HS3ST5: variants seen among roughly 807,000 people sequenced by gnomAD.
HS3ST5 encodes the protein heparan sulfate-glucosamine 3-sulfotransferase 5, also known as heparan sulfate glucosamine 3-O-sulfotransferase 5.
Under a neutral mutation model 25.4 loss-of-function variants are expected in HS3ST5, and 10 were observed. That is an observed-to-expected ratio of 0.39 (90% CI 0.24 to 0.67). The LOEUF is 0.67. Among genes scored for constraint, HS3ST5 ranks in the 30% least tolerant of loss-of-function variants. The pLI, the probability that HS3ST5 is intolerant of heterozygous loss-of-function variation, is 0.44. For synonymous variants in HS3ST5, 170 were observed against 162.4 expected (o/e 1.05, Z -0.36); for missense variants, 324 against 420.7 (o/e 0.77, Z 2.01).
chr6:114,274,329 C>T (rs976950449), intron 1 of HS3ST5, among the ~76,000 whole-genome samples: 22 of 152,002 alleles, frequency 1.4e-4, no homozygotes, highest in African/African-American at 5.1e-4. Flanking sequence ...AGGAAATATA[C>T]CATGGCTTCT....
intron 1 of HS3ST5, among the ~76,000 whole-genome samples, chr6:114,308,451 G>A (rs1582805275): frequency 6.6e-6 from 1 of 152,198 alleles, no homozygotes; most frequent in East Asian, 1.9e-4. Flanking sequence ...GCCGGGCGTG[G>A]TGGCAGGCGC....
At chr6:114,082,729 T>C (rs1774530229) in intron 3 of HS3ST5, among the ~76,000 whole-genome samples, 1 of 152,238 alleles carries the variant, frequency 6.6e-6, no homozygotes, top group African/African-American at 2.4e-5. Flanking sequence ...ACTTTTAAAC[T>C]TAACTTCCTC....
intron 1 of HS3ST5, among the ~76,000 whole-genome samples, chr6:114,250,086 C>T (rs1048344442): frequency 6.6e-6 from 1 of 152,064 alleles, no homozygotes; most frequent in Non-Finnish European, 1.5e-5. Flanking sequence ...TTTTAGGGGA[C>T]AGTCTGAATT....
At chr6:114,196,418 G>T (rs989957341) in intron 2 of HS3ST5, among the ~76,000 whole-genome samples, 2 of 152,076 alleles carry the variant, frequency 1.3e-5, no homozygotes, top group East Asian at 3.8e-4. Flanking sequence ...CCGTCCTTCC[G>T]CTGAGTGGGG....
At chr6:114,230,074 T>G (rs1318037497) in intron 1 of HS3ST5, 2 of 151,382 alleles carry the variant, frequency 1.3e-5, no homozygotes, top group African/African-American at 4.9e-5. Flanking sequence ...GAAGGTTTCA[T>G]GATGCAGAGT....
chr6:114,086,994 C>T (rs1287171640), intron 3 of HS3ST5, among the ~76,000 whole-genome samples: 1 of 152,186 alleles, frequency 6.6e-6, no homozygotes, highest in African/African-American at 2.4e-5. Flanking sequence ...CTTCACATAA[C>T]TCTCACAGAA....
chr6:114,091,746 C>G (rs1287298543), intron 3 of HS3ST5, among the ~76,000 whole-genome samples: 2 of 152,034 alleles, frequency 1.3e-5, no homozygotes, highest in Admixed American at 1.3e-4. Flanking sequence ...CATGTTTTGG[C>G]CTTTCCCAAC....
intron 2 of HS3ST5, among the ~76,000 whole-genome samples, chr6:114,221,943 C>T (rs1782060655): frequency 6.6e-6 from 1 of 151,792 alleles, no homozygotes; most frequent in Non-Finnish European, 1.5e-5. Context: ...TTTTGGAAAT[C>T]CCACAGTATT....
At chr6:114,144,887 C>G (rs868545496) in intron 3 of HS3ST5, among the ~76,000 whole-genome samples, 1 of 152,178 alleles carries the variant, frequency 6.6e-6, no homozygotes, top group African/African-American at 2.4e-5. Context: ...ATTCAGTAAA[C>G]GTTTATGTCT....
chr6:114,254,410 G>A (rs761079684), intron 1 of HS3ST5, among the ~76,000 whole-genome samples: 1 of 152,202 alleles, frequency 6.6e-6, no homozygotes, highest in Non-Finnish European at 1.5e-5. Flanking sequence ...GGGGTGCTAG[G>A]CTGAGGCTAT....
intron 3 of HS3ST5, among the ~76,000 whole-genome samples, chr6:114,087,064 G>A (rs776812584): frequency 9.2e-5 from 14 of 152,130 alleles, no homozygotes; most frequent in Non-Finnish European, 1.8e-4. Context: ...TCACCTGTGG[G>A]CTCTGGAAGT....
At chr6:114,187,878 A>G (rs1780301071) in intron 2 of HS3ST5, among the ~76,000 whole-genome samples, 2 of 152,188 alleles carry the variant, frequency 1.3e-5, no homozygotes. Context: ...CCAGTCAGCC[A>G]TCATCAACCT....
intron 1 of HS3ST5, among the ~76,000 whole-genome samples, chr6:114,266,926 ATAC>A (rs1211711731): frequency 6.6e-6 from 1 of 152,182 alleles, no homozygotes; most frequent in East Asian, 1.9e-4. Context: ...TGCCCTCAAG[ATAC>A]ACTTTTTGGT....
intron 1 of HS3ST5, among the ~76,000 whole-genome samples, chr6:114,252,689 T>G (rs993208450): frequency 9.2e-5 from 14 of 152,170 alleles, no homozygotes; most frequent in African/African-American, 3.4e-4. Flanking sequence ...TTAAGGCTGA[T>G]CCTATCTGAG....
At chr6:114,338,723 TA>T (rs1273136105) in intron 1 of HS3ST5, among the ~76,000 whole-genome samples, 4 of 152,080 alleles carry the variant, frequency 2.6e-5, no homozygotes, top group Admixed American at 1.3e-4. Flanking sequence ...AAGATAACAT[TA>T]AAACTCAGAA....
chr6:114,292,607 G>A (rs1774629982), intron 1 of HS3ST5, among the ~76,000 whole-genome samples: 1 of 152,156 alleles, frequency 6.6e-6, no homozygotes, highest in Non-Finnish European at 1.5e-5. Context: ...ATACATTCAA[G>A]TGCCAGAGTC....
At chr6:114,063,515 A>AC (rs11398876) in intron 3 of HS3ST5, among the ~76,000 whole-genome samples, 10 of 84,890 alleles carry the variant, frequency 1.2e-4, no homozygotes, top group African/African-American at 4.9e-4. Flanking sequence ...CCTGTCTCAG[A>AC]AAAAAAAAAA....
intron 3 of HS3ST5, among the ~76,000 whole-genome samples, chr6:114,116,832 C>A (rs892009054): frequency 1.3e-5 from 2 of 152,106 alleles, no homozygotes; most frequent in East Asian, 3.8e-4. Flanking sequence ...GGGTTTGGTG[C>A]CATCCTTTGT....
intron 3 of HS3ST5, among the ~76,000 whole-genome samples, chr6:114,107,205 A>T (rs1776038944): frequency 6.6e-6 from 1 of 152,172 alleles, no homozygotes. Flanking sequence ...CATCATGAAC[A>T]AGTGGAGTTT....
Sources: gnomAD v4.1 joint callset for allele counts (sites outside exome capture counted in the v4.1 genomes callset) on GRCh38, gnomAD v4.1.1 for gene constraint, MANE v1.5 for transcripts, NCBI Gene and HGNC (gene_info 2026-07-23, HGNC 2026-07-21) for gene names.